Variants in DAB1 observed in about 807,000 individuals in gnomAD.
DAB1 encodes DAB adaptor protein 1, also known as disabled homolog 1.
In DAB1, 15 loss-of-function variants were observed where a neutral mutation model predicts 64.6. That is an observed-to-expected ratio of 0.23 (90% CI 0.16 to 0.36). DAB1 has a LOEUF of 0.36. DAB1 is among the 10% of genes least tolerant of loss of function. The pLI is 1.00. For synonymous variants in DAB1, 235 were observed against 251.9 expected, an observed-to-expected ratio of 0.93 and a Z score of 0.64; for missense variants, 596 against 706.7, an observed-to-expected ratio of 0.84 and a Z score of 1.78.
intron 1 of DAB1, among the ~76,000 whole-genome samples, chr1:57,407,393 A>G (rs1244749484): frequency 6.6e-6 from 1 of 152,248 alleles, no homozygotes; most frequent in South Asian, 2.1e-4. Context: ...GAGTTCTGCC[A>G]TCATTCAACT....
intron 7 of DAB1, among the ~76,000 whole-genome samples, chr1:57,470,363 A>G (rs1437987323): frequency 6.6e-6 from 1 of 152,204 alleles, no homozygotes; most frequent in African/African-American, 2.4e-5. Context: ...TTTCAGTCAG[A>G]ACTCCAGATT....
intron 3 of DAB1, chr1:58,415,467 T>C (rs1423061185): frequency 1.2e-5 from 3 of 244,122 alleles, no homozygotes; most frequent in African/African-American, 6.9e-5. Flanking sequence ...CTGGCTGCCC[T>C]TGGGGATACA....
At chr1:58,189,966 T>C (rs1657297051) in intron 4 of DAB1, among the ~76,000 whole-genome samples, 1 of 152,186 alleles carries the variant, frequency 6.6e-6, no homozygotes, top group East Asian at 1.9e-4. Context: ...TTTCCTTTCC[T>C]CACTCCCTCT....
At chr1:57,747,493 G>A (rs1648332043) in intron 6 of DAB1, among the ~76,000 whole-genome samples, 1 of 152,160 alleles carries the variant, frequency 6.6e-6, no homozygotes, top group Middle Eastern at 3.4e-3. Flanking sequence ...GCAATGATGG[G>A]AATAGAGAGT....
chr1:58,421,940 C>T (rs983145958), intron 3 of DAB1, among the ~76,000 whole-genome samples: 5 of 151,720 alleles, frequency 3.3e-5, no homozygotes, highest in African/African-American at 4.8e-5. Context: ...TGACCTTGTA[C>T]GAGATGCACA....
At chr1:57,944,282 C>T (rs1182451745) in intron 5 of DAB1, among the ~76,000 whole-genome samples, 1 of 152,146 alleles carries the variant, frequency 6.6e-6, no homozygotes, top group Non-Finnish European at 1.5e-5. Flanking sequence ...CTGTTCCACC[C>T]TCCTCATTCC....
chr1:58,229,641 C>G (rs893012538), intron 4 of DAB1, among the ~76,000 whole-genome samples: 4 of 152,058 alleles, frequency 2.6e-5, no homozygotes, highest in Non-Finnish European at 5.9e-5. Flanking sequence ...TAAGAGAGTA[C>G]CAAGGCAAAG....
chr1:57,662,635 A>C (rs568207281), intron 6 of DAB1, among the ~76,000 whole-genome samples: 6 of 152,330 alleles, frequency 3.9e-5, no homozygotes, highest in African/African-American at 1.4e-4. Context: ...TGGGCAAAAA[A>C]TGAGATAGCT....
chr1:57,808,735 T>C (rs1333326873), intron 6 of DAB1, among the ~76,000 whole-genome samples: 1 of 152,226 alleles, frequency 6.6e-6, no homozygotes, highest in Admixed American at 6.5e-5. Context: ...ATGAAAACTT[T>C]AGTTTTCAAA....
rs181712599 is a variant in DAB1, at chr1:57,089,673, C to T, written c.307-17259G>A. On this transcript the variant is annotated intron_variant, in intron 4 of 14. Coordinates refer to ENST00000371236, the MANE Select transcript of DAB1 (RefSeq NM_001365792.1). ...CACTAAGCCATGCGGGATCCGTCCCCGTGACCCAAACACCTCCCACCAGGC... is the reference window on the plus strand; with the variant it reads ...CACTAAGCCATGCGGGATCCGTCCCTGTGACCCAAACACCTCCCACCAGGC... Among the ~76,000 whole-genome samples the T allele has an allele frequency of 4.3e-3, 660 of 152,236 alleles. 4 individuals carry two copies. Among genetic ancestry groups the T allele is most frequent in the Admixed American group, 0.011 (173 of 15,296 alleles).
At chr1:58,377,072 TC>T (rs1644335134) in intron 3 of DAB1, among the ~76,000 whole-genome samples, 1 of 131,580 alleles carries the variant, frequency 7.6e-6, no homozygotes, top group Non-Finnish European at 1.6e-5. Flanking sequence ...CCTATGTGTG[TC>T]TCTGCACGTG....
intron 5 of DAB1, among the ~76,000 whole-genome samples, chr1:58,138,448 G>C (rs536267682): frequency 6.6e-6 from 1 of 152,292 alleles, no homozygotes; most frequent in East Asian, 1.9e-4. Flanking sequence ...GAGGTAGAGA[G>C]GGCCAAGAAG....
intron 4 of DAB1, among the ~76,000 whole-genome samples, chr1:58,314,716 A>C (rs1193178447): frequency 1.3e-5 from 2 of 152,194 alleles, no homozygotes; most frequent in East Asian, 3.9e-4. Context: ...CCTTCTTTAT[A>C]TAGATTATCT....
intron 2 of DAB1, among the ~76,000 whole-genome samples, chr1:57,273,522 A>ACTGCCTGCCTGC (rs1261991604): frequency 1.0e-4 from 10 of 96,904 alleles, no homozygotes; most frequent in African/African-American, 2.3e-4. Flanking sequence ...ACCAAGCCTG[A>ACTGCCTGCCTGC]CTGCCTGCCT....
chr1:57,071,772 A>C, intron 5 of DAB1, 131 bp from the exon 6 acceptor site: 1 of 886,940 alleles, frequency 1.1e-6, no homozygotes, highest in South Asian at 1.7e-5. Flanking sequence ...ATTCTTAATT[A>C]ATTCTTTGTT....
intron 14 of DAB1, among the ~76,000 whole-genome samples, chr1:57,002,551 G>T (rs1464607026): frequency 6.6e-6 from 1 of 152,204 alleles, no homozygotes; most frequent in Non-Finnish European, 1.5e-5. Flanking sequence ...ACAGAGCAAG[G>T]CTGAAACCAG....
intron 5 of DAB1, among the ~76,000 whole-genome samples, chr1:57,935,995 TA>T (rs1645019369): frequency 6.6e-6 from 1 of 152,240 alleles, no homozygotes; most frequent in African/African-American, 2.4e-5. Context: ...GCTTCATATC[TA>T]TCCTGAAGTG....
chr1:57,241,245 T>C (rs1489458602), intron 2 of DAB1, among the ~76,000 whole-genome samples: 2 of 152,336 alleles, frequency 1.3e-5, no homozygotes, highest in Non-Finnish European at 1.5e-5. Flanking sequence ...CTCTGCTGCA[T>C]AACAGCCAAA....
rs1339025481 is a variant in DAB1, at chr1:57,053,658, C to CTATATATA, written c.723+9225_723+9226insTATATATA. 4.1e-3 allele frequency among the ~76,000 whole-genome samples: 496 copies of CTATATATA among 120,894 alleles called. 3 individuals carry two copies. The highest frequency in any genetic ancestry group is 6.1e-3 in the South Asian group (21 of 3,462). The allele number at this position is 120,894 out of a possible 152,430, so 79.3% of individuals were successfully genotyped here. On this transcript the variant is annotated intron_variant, in intron 9 of 14. Transcript: ENST00000371236. ...CATCTAAGAATCTCTCTCTCTCTCTCTCTATATGTATATATATATATATAT... is the reference window on the plus strand; with the variant it reads ...CATCTAAGAATCTCTCTCTCTCTCTCTATATATATCTATATGTATATATATATATATAT...
Sources: gnomAD v4.1 joint callset for allele counts (sites outside exome capture counted in the v4.1 genomes callset) on GRCh38, gnomAD v4.1.1 for gene constraint, MANE v1.5 for transcripts, NCBI Gene and HGNC (gene_info 2026-07-23, HGNC 2026-07-21) for gene names.